GKAP1: variants seen among roughly 807,000 people sequenced by gnomAD.
The protein encoded by GKAP1 is G kinase anchoring protein 1.
GKAP1 carries 31 observed loss-of-function variants against 56.7 expected under a neutral mutation model. The observed-to-expected ratio is 0.55, with a 90% CI of 0.41 to 0.74. The LOEUF is 0.74. GKAP1 is among the 30% of genes least tolerant of loss of function. GKAP1 has a pLI of 0.00. For synonymous variants in GKAP1, 151 were observed against 138.6 expected (o/e 1.09, Z -0.63); for missense variants, 364 against 402.3 (o/e 0.90, Z 0.82).
intron 4 of GKAP1, among the ~76,000 whole-genome samples, chr9:83,791,351 C>T (rs977724245): frequency 6.6e-6 from 1 of 151,486 alleles, no homozygotes; most frequent in Non-Finnish European, 1.5e-5. Flanking sequence ...TGCAGTGAGC[C>T]GACATCACGC....
Position 83,779,505 on chromosome 9 carries a change from ATATGTGTATATATATACACGTG to A in GKAP1, c.585+855_585+876del, listed in dbSNP as rs1457440865. Among the ~76,000 whole-genome samples the A allele has an allele frequency of 7.9e-5, 11 of 138,474 alleles. 1 individual carries two copies. The highest frequency in any genetic ancestry group is 3.5e-4 in the Admixed American group (5 of 14,182). The allele number at this position is 138,474 out of a possible 152,430, so 90.8% of individuals were successfully genotyped here. A position where few individuals can be genotyped will look rare whatever the true frequency, so the allele number is the denominator to read the frequency against. ...CATACATATATACACATATACACAT[ATATGTGTATATATATACACGTG>A]TATATGTGTATATATATACACGTGT... On this transcript the variant is annotated intron_variant, in intron 7 of 12. Coordinates refer to ENST00000376371, the MANE Select transcript of GKAP1 (RefSeq NM_025211.4).
At chr9:83,812,244 C>CATATATAT in intron 2 of GKAP1, among the ~76,000 whole-genome samples, 1 of 146,464 alleles carries the variant, frequency 6.8e-6, no homozygotes, top group South Asian at 2.1e-4. Context: ...TACATATATA[C>CATATATAT]GTATATATGT....
chr9:83,814,062 G>C (rs1944548481), intron 2 of GKAP1, among the ~76,000 whole-genome samples: 1 of 151,806 alleles, frequency 6.6e-6, no homozygotes. Flanking sequence ...TTGTGCCACT[G>C]CACTACACCT....
In GKAP1 at chr9:83,783,172, T is replaced by C. The variant is rs564459437; in HGVS notation, c.562+1543A>G. ...TTTCTTTTTGAAATTATTGCTATGG[T>C]AATATTTATCCTCACAGAACAATGC... On this transcript the variant is annotated intron_variant, in intron 6 of 12. Transcript: ENST00000376371. Among the ~76,000 whole-genome samples, 24 of 152,346 alleles carry C rather than the reference T, an allele frequency of 1.6e-4. 1 individual carries two copies. The South Asian group carries it at 5.0e-3, about 32-fold the overall frequency.
At chr9:83,744,302 C>T (rs1047044070) in intron 10 of GKAP1, among the ~76,000 whole-genome samples, 1 of 152,168 alleles carries the variant, frequency 6.6e-6, no homozygotes, top group Non-Finnish European at 1.5e-5. Context: ...GAACATAACA[C>T]AAATTTTCAA....
intron 7 of GKAP1, among the ~76,000 whole-genome samples, chr9:83,772,319 T>C (rs553396004): frequency 7.9e-5 from 12 of 152,256 alleles, no homozygotes; most frequent in African/African-American, 2.9e-4. Flanking sequence ...AATTTACTTT[T>C]TAAAAAGGTG....
chr9:83,799,191 A>C lies in GKAP1; in HGVS notation c.354T>G (p.Asp118Glu). The C allele has an allele frequency of 1.9e-6, 3 of 1,613,368 alleles. No individual in the cohort carries two copies. Among genetic ancestry groups the C allele is most frequent in the Non-Finnish European group, 2.5e-6 (3 of 1,179,700 alleles). The change falls in exon 4 of 13, where the codon GAT becomes GAG. Residue 118 changes from aspartate (D) to glutamate (E), a missense_variant. Physicochemically the swap from Asp to Glu is conservative, Grantham distance 45. Coordinates refer to ENST00000376371, the MANE Select transcript of GKAP1 (RefSeq NM_025211.4). Reference protein sequence around the residue: ...EENWQEWRQRDEQLTSEMFEA... With the variant: ...EENWQEWRQREEQLTSEMFEA... ...TTTATTTACTTAGTTGTACCTGCTCATCTCTTTGTCTCCACTCTTGCCAAT... is the reference window on the plus strand; with the variant it reads ...TTTATTTACTTAGTTGTACCTGCTCCTCTCTTTGTCTCCACTCTTGCCAAT...
intron 10 of GKAP1, among the ~76,000 whole-genome samples, chr9:83,744,286 C>G (rs1943254585): frequency 6.6e-6 from 1 of 152,176 alleles, no homozygotes; most frequent in Admixed American, 6.5e-5. Context: ...TATTAGGTAA[C>G]AACTTGAACA....
chr9:83,795,851 G>A (rs1267181267), intron 4 of GKAP1, among the ~76,000 whole-genome samples: 1 of 152,042 alleles, frequency 6.6e-6, no homozygotes, highest in Non-Finnish European at 1.5e-5. Context: ...GCTGCACTGG[G>A]CCTAAGTGTG....
At chr9:83,773,297 A>T (rs1444310602) in intron 7 of GKAP1, among the ~76,000 whole-genome samples, 1 of 152,216 alleles carries the variant, frequency 6.6e-6, no homozygotes, top group African/African-American at 2.4e-5. Context: ...CTATGAGTCC[A>T]TTATAGGTTA....
chr9:83,746,508 C>G (rs1943296319), intron 10 of GKAP1, among the ~76,000 whole-genome samples: 1 of 152,080 alleles, frequency 6.6e-6, no homozygotes, highest in Non-Finnish European at 1.5e-5. Flanking sequence ...AAAGACCATC[C>G]TGGCCAACAT....
chr9:83,779,956 C>T (rs1362440525), intron 7 of GKAP1, among the ~76,000 whole-genome samples: 1 of 151,862 alleles, frequency 6.6e-6, no homozygotes, highest in East Asian at 1.9e-4. Flanking sequence ...GTTACTTTTA[C>T]CCATGAGTAT....
chr9:83,791,906 C>G (rs1261837248), intron 4 of GKAP1, among the ~76,000 whole-genome samples: 1 of 152,142 alleles, frequency 6.6e-6, no homozygotes, highest in Non-Finnish European at 1.5e-5. Flanking sequence ...AGAAATAGAA[C>G]TGCAGGAAGA....
chr9:83,753,625 A>G (rs1398310317), intron 8 of GKAP1, among the ~76,000 whole-genome samples: 2 of 152,218 alleles, frequency 1.3e-5, no homozygotes, highest in African/African-American at 2.4e-5. Context: ...CAAACATATT[A>G]AAAGTGCTCT....
chr9:83,787,910 C>G (rs147135691), intron 5 of GKAP1, among the ~76,000 whole-genome samples: 1 of 152,306 alleles, frequency 6.6e-6, no homozygotes, highest in Non-Finnish European at 1.5e-5. Flanking sequence ...CAGAGGGTCT[C>G]TCAATAAATG....
At chr9:83,798,822 C>T (rs1366904521) in intron 4 of GKAP1, among the ~76,000 whole-genome samples, 1 of 152,032 alleles carries the variant, frequency 6.6e-6, no homozygotes, top group East Asian at 1.9e-4. Context: ...CTGTACACAC[C>T]CAGCCTAGTC....
chr9:83,746,137 A>T (rs1483441897), intron 10 of GKAP1, among the ~76,000 whole-genome samples: 1 of 152,144 alleles, frequency 6.6e-6, no homozygotes, highest in African/African-American at 2.4e-5. Context: ...GTTAAGTTAT[A>T]AAAAATATAA....
chr9:83,777,381 T>C lies in GKAP1; in HGVS notation c.585+3001A>G, dbSNP rs140752746. ...GTTCTGGCATTTAAAAAGCAACATA[T>C]TAAAAAACAAAACAACTTCAGTCCA... On this transcript the variant is annotated intron_variant, in intron 7 of 12. Transcript: ENST00000376371. Among the ~76,000 whole-genome samples, 774 of 152,054 alleles carry C rather than the reference T, an allele frequency of 5.1e-3. 2 individuals carry two copies. The highest frequency in any genetic ancestry group is 7.9e-3 in the Non-Finnish European group (534 of 67,962).
chr9:83,802,974 T>C (rs369903887), intron 3 of GKAP1, among the ~76,000 whole-genome samples: 3 of 151,778 alleles, frequency 2.0e-5, no homozygotes, highest in African/African-American at 7.3e-5. Flanking sequence ...CCTGGCGTAG[T>C]GGTGTGTGCC....
Sources: gnomAD v4.1 joint callset for allele counts (sites outside exome capture counted in the v4.1 genomes callset) on GRCh38, gnomAD v4.1.1 for gene constraint, MANE v1.5 for transcripts, NCBI Gene and HGNC (gene_info 2026-07-23, HGNC 2026-07-21) for gene names.